The following THRAP3 variants were observed in gnomAD, a reference collection of about 807,000 sequenced individuals.
THRAP3 encodes thyroid hormone receptor associated protein 3.
Under a neutral mutation model 101.0 loss-of-function variants are expected in THRAP3, and 16 were observed. The ratio of observed to expected loss-of-function variants is 0.16; its 90% CI spans 0.11 to 0.24. The LOEUF (loss-of-function observed/expected upper bound fraction) is 0.24. THRAP3 is among the 10% of genes least tolerant of loss of function. THRAP3 has a pLI of 1.00. For missense variants in THRAP3, 989 were observed against 1,202.7 expected (o/e 0.82, Z 2.63); for synonymous variants, 407 against 422.6 (o/e 0.96, Z 0.45).
chr1:36,229,976 A>T (rs1223296203), intron 1 of THRAP3, among the ~76,000 whole-genome samples: 1 of 87,824 alleles, frequency 1.1e-5, no homozygotes, highest in Non-Finnish European at 2.2e-5. Flanking sequence ...TTTTTTTGAG[A>T]CAGAGTCTGT....
chr1:36,254,918 T>G (rs184304200), intron 1 of THRAP3, among the ~76,000 whole-genome samples: 2 of 152,188 alleles, frequency 1.3e-5, no homozygotes, highest in African/African-American at 4.8e-5. Context: ...ACATGACTTA[T>G]TTGGAAGTGA....
At chr1:36,288,048 T>C in intron 4 of THRAP3, 2 of 967,050 alleles carry the variant, frequency 2.1e-6, no homozygotes. Context: ...TGATTCTTCT[T>C]GGCTGTATTA....
chr1:36,282,031 C>T (rs1645737836), intron 2 of THRAP3, among the ~76,000 whole-genome samples: 1 of 152,064 alleles, frequency 6.6e-6, no homozygotes. Flanking sequence ...TGAGATTAAG[C>T]CATTGCACTC....
At chr1:36,243,041 G>A (rs1162749028) in intron 1 of THRAP3, among the ~76,000 whole-genome samples, 2 of 151,862 alleles carry the variant, frequency 1.3e-5, no homozygotes, top group Non-Finnish European at 2.9e-5. Flanking sequence ...TCCAGCCTGG[G>A]TGACAGTAAG....
At chr1:36,255,300 C>T (rs895295825) in intron 1 of THRAP3, among the ~76,000 whole-genome samples, 1 of 152,080 alleles carries the variant, frequency 6.6e-6, no homozygotes, top group African/African-American at 2.4e-5. Context: ...CAAGAGTGGG[C>T]AAAGTGTTTC....
chr1:36,280,540 A>C (rs368776559), intron 2 of THRAP3, among the ~76,000 whole-genome samples: 1 of 152,184 alleles, frequency 6.6e-6, no homozygotes, highest in Non-Finnish European at 1.5e-5. Flanking sequence ...GAGGGGTAGG[A>C]GGGGAGAAAT....
In THRAP3 at chr1:36,287,219, C is replaced by T. The variant is rs564980038; in HGVS notation, c.989C>T (p.Ser330Leu). 15 of 1,613,906 alleles carry T rather than the reference C, an allele frequency of 9.3e-6. No homozygotes were observed. The highest frequency in any genetic ancestry group is 5.5e-5 in the South Asian group (5 of 91,038). The change falls in exon 4 of 12, where the codon TCA becomes TTA. Residue 330 changes from serine to leucine, a missense_variant. Transcript: ENST00000354618. ...SPPSTGSTYG[S>L]SQKEESAASG... ...CCATCCACTGGCTCCACATATGGCT[C>T]ATCTCAGAAGGAGGAGAGTGCTGCT...
chr1:36,270,571 G>GGTTT lies in THRAP3; in HGVS notation c.-32+11087_-32+11088insGTTT, dbSNP rs1553121666. ...TAAAAATACAGTTCTATTTGTTTAG[G>GGTTT]TTTTTGTTTTTTTTTTTTTTTTTGA... is the stretch of plus-strand genomic sequence containing the variant. On this transcript the variant is annotated intron_variant, in intron 2 of 11. Transcript: ENST00000354618. Among the ~76,000 whole-genome samples the GGTTT allele has an allele frequency of 1.9e-3, 61 of 31,878 alleles. 6 individuals are homozygous for GGTTT. The highest frequency in any genetic ancestry group is 4.1e-3 in the African/African-American group (58 of 14,184). The allele number at this position is 31,878 out of a possible 152,430, so 20.9% of individuals were successfully genotyped here.
chr1:36,268,469 C>CTTT (rs1394191275), intron 2 of THRAP3, among the ~76,000 whole-genome samples: 3 of 152,104 alleles, frequency 2.0e-5, no homozygotes, highest in Non-Finnish European at 4.4e-5. Flanking sequence ...AATTGCTGTA[C>CTTT]TTTAAAGTAC....
At chr1:36,292,772 A>C in intron 7 of THRAP3, 63 bp downstream of exon 7, 25 of 1,277,850 alleles carry the variant, frequency 2.0e-5, no homozygotes, top group Non-Finnish European at 2.8e-5. Flanking sequence ...CATTAAACTC[A>C]CCTTGTTAAA....
the THRAP3 span, among the ~76,000 whole-genome samples, chr1:36,207,851 G>A: frequency 1.3e-5 from 2 of 152,058 alleles, no homozygotes; most frequent in Admixed American, 6.6e-5. Flanking sequence ...GGAGTGCCGT[G>A]GCACGATCTT....
the THRAP3 span, among the ~76,000 whole-genome samples, chr1:36,217,625 T>C: frequency 6.6e-6 from 1 of 152,182 alleles, no homozygotes; most frequent in Non-Finnish European, 1.5e-5. Flanking sequence ...TCACTTTGTG[T>C]CCCTGTCACA....
intron 4 of THRAP3, chr1:36,287,556 G>T (rs1645812305): frequency 1.0e-6 from 1 of 985,310 alleles, no homozygotes; most frequent in African/African-American, 1.7e-5. Context: ...GTAAGCCAAA[G>T]AACAGTAGAG....
chr1:36,276,781 G>A (rs902531247), intron 2 of THRAP3, among the ~76,000 whole-genome samples: 2 of 150,156 alleles, frequency 1.3e-5, no homozygotes, highest in African/African-American at 2.4e-5. Context: ...CACTTGAACC[G>A]GGGAGGTGGA....
chr1:36,251,557 GC>G (rs1334804044), intron 1 of THRAP3, among the ~76,000 whole-genome samples: 1 of 152,200 alleles, frequency 6.6e-6, no homozygotes, highest in Non-Finnish European at 1.5e-5. Context: ...CGTTGACAGA[GC>G]CTACTGCTCT....
Position 36,289,641 on chromosome 1 carries a change from C to T in THRAP3, c.1622C>T (p.Thr541Ile). The change falls in exon 5 of 12, where the codon ACC (threonine) becomes ATC (isoleucine). Residue 541 changes from threonine to isoleucine, a missense_variant. Physicochemically the swap from Thr to Ile is moderately conservative, Grantham distance 89. Coordinates refer to ENST00000354618, the MANE Select transcript of THRAP3 (RefSeq NM_005119.4). ...AGCTCATCACCTCCCCCAAGAAAGA[C>T]CTCTGAGAGCCGAGACAAGCTGGGA... ...EKSSSPPPRKTSESRDKLGAK... is the reference protein window; with the variant it reads ...EKSSSPPPRKISESRDKLGAK... 6.2e-7 allele frequency: 1 copy of T among 1,614,198 alleles called. No individual in the cohort carries two copies. Among genetic ancestry groups the T allele is most frequent in the South Asian group, 1.1e-5 (1 of 91,082 alleles).
At chr1:36,258,225 C>G (rs1303294252) in intron 1 of THRAP3, among the ~76,000 whole-genome samples, 2 of 152,216 alleles carry the variant, frequency 1.3e-5, no homozygotes, top group Non-Finnish European at 2.9e-5. Flanking sequence ...CCCTCACTAG[C>G]TAGGCAGAGC....
At position 36,289,164 on chromosome 1, in the gene THRAP3, G is replaced by C. The variant is rs765069342; in HGVS notation, c.1145G>C (p.Gly382Ala). 3.7e-6 allele frequency: 6 copies of C among 1,613,922 alleles called. No homozygotes were observed. Among genetic ancestry groups the C allele is most frequent in the Non-Finnish European group, 1.7e-6 (2 of 1,180,054 alleles). The stretch of plus-strand genomic sequence containing the variant: ...GAGAAAGGGAGCTTCTCTGACACAG[G>C]CTTGGGTGATGGAAAAATGAAATCT... ...IKEKGSFSDT[G>A]LGDGKMKSDS... The change falls in exon 5 of 12, where the codon GGC becomes GCC. Residue 382 changes from glycine (G) to alanine (A), a missense_variant. Physicochemically the swap from Gly to Ala is moderately conservative, Grantham distance 60. Transcript: ENST00000354618.
chr1:36,287,154 C>T lies in THRAP3; in HGVS notation c.924C>T (p.Ser308=), dbSNP rs1034489528. 1.7e-5 allele frequency: 28 copies of T among 1,614,030 alleles called. No homozygotes were observed. The highest frequency in any genetic ancestry group is 2.4e-5 in the Non-Finnish European group (28 of 1,180,030). Residue 308 remains serine (S), a synonymous_variant, in exon 4 of 12, where the codon TCC becomes TCT. Transcript: ENST00000354618. The part of the protein sequence containing the change: ...HQGQFDHGSG[S]LSPSKKSPVG... Reference sequence around the variant, plus strand: ...GTCAGTTCGACCATGGTTCTGGGTCCCTGAGTCCATCCAAAAAGAGCCCTG... The same window carrying T: ...GTCAGTTCGACCATGGTTCTGGGTCTCTGAGTCCATCCAAAAAGAGCCCTG...
Sources: allele counts gnomAD v4.1 joint callset (sites outside exome capture counted in the v4.1 genomes callset), GRCh38; gene constraint gnomAD v4.1.1; transcripts MANE v1.5; gene names NCBI Gene and HGNC (gene_info 2026-07-23, HGNC 2026-07-21).